ACOX3: variants seen among roughly 807,000 people sequenced by gnomAD.
ACOX3 encodes the protein acyl-CoA oxidase 3, pristanoyl.
Under a neutral mutation model 81.5 loss-of-function variants are expected in ACOX3, and 73 were observed. That is an observed-to-expected ratio of 0.90 (90% confidence interval 0.74 to 1.09). The LOEUF (loss-of-function observed/expected upper bound fraction) is 1.09. ACOX3 is among the 50% of genes least tolerant of loss of function. ACOX3 has a pLI of 0.00. For synonymous variants in ACOX3, 387 were observed against 375.1 expected (o/e 1.03, Z -0.37); for missense variants, 947 against 928.0 (o/e 1.02, Z -0.27).
At chr4:8,380,902 C>T (rs1464566640) in intron 14 of ACOX3, among the ~76,000 whole-genome samples, 1 of 152,150 alleles carries the variant, frequency 6.6e-6, no homozygotes, top group African/African-American at 2.4e-5. Context: ...AGGGTGGGGG[C>T]TGGGCTCTGC....
chr4:8,392,400 G>A lies in ACOX3; in HGVS notation c.1233C>T (p.Ala411=), dbSNP rs765136725. The A allele has an allele frequency of 6.2e-7, 1 of 1,609,228 alleles. No individual in the cohort carries two copies. Among genetic ancestry groups the A allele is most frequent in the Non-Finnish European group, 8.5e-7 (1 of 1,178,388 alleles). ...HALASASKPL[A]SWTTQQGIQE... ...GAATTCCTTGCTGGGTGGTCCACGAGGCCAGGGGCTTGCTGGCCGATGCCA... is the reference window on the plus strand; with the variant it reads ...GAATTCCTTGCTGGGTGGTCCACGAAGCCAGGGGCTTGCTGGCCGATGCCA... The change falls in exon 11 of 18, where the codon GCC becomes GCT. Residue 411 remains alanine, a synonymous_variant. Transcript: ENST00000356406.
Position 8,430,542 on chromosome 4 carries a change from C to T in ACOX3, c.-15+10106G>A, listed in dbSNP as rs142220535. Among the ~76,000 whole-genome samples the T allele has an allele frequency of 1.1e-3, 175 of 152,320 alleles. 2 individuals carry two copies. The highest frequency in any genetic ancestry group is 4.0e-3 in the African/African-American group (167 of 41,566). On this transcript the variant is annotated intron_variant, in intron 1 of 17. Coordinates refer to ENST00000356406, the MANE Select transcript of ACOX3 (RefSeq NM_003501.3). The surrounding 1 kb of genome is among the most constrained non-coding windows in gnomAD (Gnocchi z 5.2). ...TACAACTACTAATCAATTGGGTTCA[C>T]ATGTGTTACTGACATTAGAAAAACA...
At chr4:8,408,033 A>T (rs1304874121) in intron 6 of ACOX3, among the ~76,000 whole-genome samples, 1 of 152,204 alleles carries the variant, frequency 6.6e-6, no homozygotes, top group East Asian at 1.9e-4. Context: ...AACAGTGCCA[A>T]AGTGGAAAAG....
At chr4:8,415,020 A>G (rs767068104) in intron 3 of ACOX3, 92 bp from the exon 4 acceptor site, 173 of 1,166,972 alleles carry the variant, frequency 1.5e-4, no homozygotes, top group Non-Finnish European at 2.1e-4. Flanking sequence ...ACTCAACACC[A>G]TGCCCACGCT....
At position 8,406,174 on chromosome 4, in the gene ACOX3, C is replaced by T; in HGVS notation, c.688-131G>A. 1 of 799,208 alleles carries T rather than the reference C, an allele frequency of 1.3e-6. No homozygotes were observed. The highest frequency in any genetic ancestry group is 1.5e-5 in the South Asian group (1 of 66,968). The allele number at this position is 799,208 out of a possible 1,614,324, so 49.5% of individuals were successfully genotyped here. A position where few individuals can be genotyped will look rare whatever the true frequency, so the allele number is the denominator to read the frequency against. ...GGCGGCTGTGGGTTAAACCATCCTC[C>T]AGAAATGATACATCCAAGTCCTAAC... On this transcript the variant is annotated intron_variant, in intron 6 of 17. Coordinates refer to ENST00000356406, the MANE Select transcript of ACOX3 (RefSeq NM_003501.3). The surrounding 1 kb of genome is among the most constrained non-coding windows in gnomAD (Gnocchi z 5.6).
At position 8,399,390 on chromosome 4, in the gene ACOX3, C is replaced by T. The variant is rs1453844554; in HGVS notation, c.873+166G>A. Among the ~76,000 whole-genome samples, 3 of 152,234 alleles carry T rather than the reference C, an allele frequency of 2.0e-5. No homozygotes were observed. The highest frequency in any genetic ancestry group is 1.5e-5 in the Non-Finnish European group (1 of 68,042). ...GTGCTGTGGCTGCCCCAAGAGTCCCCTTCTAGCGGGAGCACCAGAACCCGA... is the reference window on the plus strand; with the variant it reads ...GTGCTGTGGCTGCCCCAAGAGTCCCTTTCTAGCGGGAGCACCAGAACCCGA... On this transcript the variant is annotated intron_variant, in intron 8 of 17. Transcript: ENST00000356406. The surrounding 1 kb of genome is among the most constrained non-coding windows in gnomAD (Gnocchi z 4.9).
intron 5 of ACOX3, among the ~76,000 whole-genome samples, chr4:8,411,441 G>A (rs1721713901): frequency 6.6e-6 from 1 of 152,176 alleles, no homozygotes; most frequent in African/African-American, 2.4e-5. Flanking sequence ...TGGGGTGGCT[G>A]CCAGCCATGC....
intron 1 of ACOX3, among the ~76,000 whole-genome samples, chr4:8,425,271 A>G (rs569567573): frequency 6.6e-6 from 1 of 152,238 alleles, no homozygotes; most frequent in East Asian, 1.9e-4. Flanking sequence ...CTCCATTAGA[A>G]ATGCTTATAG....
At chr4:8,435,495 C>CAA (rs1392748216) in intron 1 of ACOX3, among the ~76,000 whole-genome samples, 1 of 142,154 alleles carries the variant, frequency 7.0e-6, no homozygotes, top group East Asian at 2.0e-4. Context: ...GACTCCGTCT[C>CAA]AAAAAAAAGA....
At chr4:8,413,316 C>A (rs1388400485) in intron 5 of ACOX3, among the ~76,000 whole-genome samples, 1 of 138,240 alleles carries the variant, frequency 7.2e-6, no homozygotes, top group Non-Finnish European at 1.6e-5. Context: ...TGCACCCCTG[C>A]GCCCCTCCAC....
At chr4:8,364,406 T>G (rs895687479), downstream of ACOX3, among the ~76,000 whole-genome samples, 1 of 152,238 alleles carries the variant, frequency 6.6e-6, no homozygotes, top group Non-Finnish European at 1.5e-5. This position sits in a 1 kb window ranked among gnomAD's most constrained non-coding sequence, Gnocchi z 5.0. Flanking sequence ...AGTTGGCGAA[T>G]GAGGACCTTT....
Position 8,431,026 on chromosome 4 carries a change from G to A in ACOX3, c.-15+9622C>T, listed in dbSNP as rs1560209521. Among the ~76,000 whole-genome samples the A allele has an allele frequency of 6.6e-6, 1 of 152,136 alleles. No homozygotes were observed. Among genetic ancestry groups the A allele is most frequent in the Non-Finnish European group, 1.5e-5 (1 of 68,032 alleles). On this transcript the variant is annotated intron_variant, in intron 1 of 17. Coordinates refer to ENST00000356406, the MANE Select transcript of ACOX3 (RefSeq NM_003501.3). This position sits in a 1 kb window ranked among gnomAD's most constrained non-coding sequence, Gnocchi z 5.3. ...GTAAAAGACAAGGGCCTGAGATAAG[G>A]CCATCTTGGTGGAGCTGGAGGGTGG...
chr4:8,402,898 C>T (rs896298324), intron 7 of ACOX3, among the ~76,000 whole-genome samples: 4 of 152,222 alleles, frequency 2.6e-5, no homozygotes, highest in Non-Finnish European at 5.9e-5. Context: ...CAGCTTCCTT[C>T]CTCCTTTGGG....
At chr4:8,391,035 A>G (rs1390587132) in intron 11 of ACOX3, among the ~76,000 whole-genome samples, 2 of 83,534 alleles carry the variant, frequency 2.4e-5, no homozygotes, top group Admixed American at 1.0e-4. Context: ...ATGTATGTGT[A>G]TATGTATATG....
chr4:8,381,536 T>C lies in ACOX3; in HGVS notation c.1609A>G (p.Lys537Glu). 6.2e-7 allele frequency: 1 copy of C among 1,614,052 alleles called. No individual in the cohort carries two copies. Among genetic ancestry groups the C allele is most frequent in the Non-Finnish European group, 8.5e-7 (1 of 1,179,996 alleles). The change falls in exon 14 of 18, where the codon AAA (lysine) becomes GAA (glutamate). Residue 537 changes from lysine to glutamate, a missense_variant. By Grantham distance (56) the Lys-to-Glu change is moderately conservative. Transcript: ENST00000356406. The surrounding 1 kb of genome is among the most constrained non-coding windows in gnomAD (Gnocchi z 4.3). ...RETYQKLNQE[K>E]RSGSSDFEAR... is the part of the protein sequence containing the mutation. ...TCAAAGTCACTGCTTCCTGATCTTT[T>C]CTCTTGGTTTAATTTTTGATAAGTC...
intron 10 of ACOX3, among the ~76,000 whole-genome samples, chr4:8,393,851 G>A (rs1246789537): frequency 6.6e-6 from 1 of 152,188 alleles, no homozygotes; most frequent in East Asian, 1.9e-4. Flanking sequence ...TCACGCTCCA[G>A]GGAAAACACA....
intron 6 of ACOX3, 87 bp downstream of exon 6, chr4:8,410,125 C>A: frequency 1.3e-6 from 2 of 1,497,478 alleles, no homozygotes; most frequent in Non-Finnish European, 1.8e-6. Flanking sequence ...ATGCCCCACC[C>A]TTGTTATGAC....
At chr4:8,367,806 CAAAAAAAAA>C (rs535574857) in intron 17 of ACOX3, among the ~76,000 whole-genome samples, 11 of 46,716 alleles carry the variant, frequency 2.4e-4, no homozygotes, top group Admixed American at 7.7e-4. Flanking sequence ...CCCATCTTTA[CAAAAAAAAA>C]AAAAAAAAAA....
chr4:8,428,196 G>GC (rs1184527620), intron 1 of ACOX3, among the ~76,000 whole-genome samples: 1 of 152,124 alleles, frequency 6.6e-6, no homozygotes, highest in African/African-American at 2.4e-5. Context: ...GGTAACCCTG[G>GC]CCCCCCCGCC....
Sources: gnomAD v4.1 joint callset for allele counts (sites outside exome capture counted in the v4.1 genomes callset) on GRCh38, gnomAD v4.1.1 for gene constraint, Gnocchi (gnomAD v3.1) non-coding constraint, MANE v1.5 for transcripts, NCBI Gene and HGNC (gene_info 2026-07-23, HGNC 2026-07-21) for gene names.